Variants in SDCCAG8 observed in about 807,000 individuals in gnomAD.
SDCCAG8 encodes serologically defined colon cancer antigen 8.
A neutral mutation model predicts 101.8 loss-of-function variants in SDCCAG8; 74 were observed. The ratio of observed to expected loss-of-function variants is 0.73; its 90% confidence interval spans 0.60 to 0.88. The LOEUF (loss-of-function observed/expected upper bound fraction) is 0.88, where lower values mean the gene tolerates loss of function less well. Among genes scored for constraint, SDCCAG8 ranks in the 40% least tolerant of loss-of-function variants. The pLI is 0.00. For missense variants in SDCCAG8, 787 were observed against 822.6 expected, an observed-to-expected ratio of 0.96 and a Z score of 0.53; for synonymous variants, 281 against 292.9, an observed-to-expected ratio of 0.96 and a Z score of 0.41.
intron 12 of SDCCAG8, among the ~76,000 whole-genome samples, chr1:243,364,881 T>A (rs2147863246): frequency 6.6e-6 from 1 of 152,156 alleles, no homozygotes; most frequent in African/African-American, 2.4e-5. Context: ...AAAAAAAGAA[T>A]AAGTCTTACA....
intron 13 of SDCCAG8, among the ~76,000 whole-genome samples, chr1:243,406,742 G>C (rs1441387437): frequency 2.0e-5 from 3 of 152,102 alleles, no homozygotes; most frequent in South Asian, 4.1e-4. Flanking sequence ...ACTGTGCGCT[G>C]CTGCCCCACA....
intron 9 of SDCCAG8, among the ~76,000 whole-genome samples, chr1:243,328,037 G>T (rs1010828644): frequency 8.6e-5 from 13 of 151,766 alleles, no homozygotes; most frequent in Non-Finnish European, 1.6e-4. Context: ...TGAGTAGCTG[G>T]GACTACAGGT....
At chr1:243,451,515 A>G (rs2083353101) in intron 16 of SDCCAG8, among the ~76,000 whole-genome samples, 2 of 152,198 alleles carry the variant, frequency 1.3e-5, no homozygotes, top group Non-Finnish European at 2.9e-5. Context: ...TCTATTATGC[A>G]GAACCATCCA....
intron 16 of SDCCAG8, among the ~76,000 whole-genome samples, chr1:243,483,712 G>A (rs1397673124): frequency 6.6e-6 from 1 of 152,138 alleles, no homozygotes; most frequent in African/African-American, 2.4e-5. Flanking sequence ...CGGCCACTCC[G>A]CCCTGACCCC....
intron 15 of SDCCAG8, among the ~76,000 whole-genome samples, chr1:243,422,498 T>C (rs954018583): frequency 1.3e-5 from 2 of 152,200 alleles, no homozygotes; most frequent in Admixed American, 1.3e-4. Flanking sequence ...GTTAAATGAC[T>C]TTTAGTGTAG....
intron 15 of SDCCAG8, among the ~76,000 whole-genome samples, chr1:243,425,204 G>A (rs973795170): frequency 1.3e-5 from 2 of 152,204 alleles, no homozygotes; most frequent in African/African-American, 4.8e-5. Flanking sequence ...AAGGCACAGA[G>A]CACAATTTAA....
chr1:243,311,248 A>C (rs1178736650), intron 8 of SDCCAG8, among the ~76,000 whole-genome samples: 1 of 152,320 alleles, frequency 6.6e-6, no homozygotes. Context: ...AAGTAGTTCT[A>C]TGTGTATTAA....
intron 12 of SDCCAG8, among the ~76,000 whole-genome samples, chr1:243,376,989 C>G (rs1024827003): frequency 4.6e-5 from 7 of 152,164 alleles, no homozygotes; most frequent in South Asian, 2.1e-4. Flanking sequence ...GCCCTTACTT[C>G]TTTCTCACTT....
At chr1:243,320,258 A>C (rs1329963933) in intron 9 of SDCCAG8, among the ~76,000 whole-genome samples, 1 of 152,200 alleles carries the variant, frequency 6.6e-6, no homozygotes, top group African/African-American at 2.4e-5. Flanking sequence ...GAAGCTAAGT[A>C]ATCTCTGGAT....
At chr1:243,397,902 G>A (rs990871926) in intron 13 of SDCCAG8, among the ~76,000 whole-genome samples, 9 of 152,188 alleles carry the variant, frequency 5.9e-5, no homozygotes, top group African/African-American at 1.9e-4. Context: ...CTGCAAACCA[G>A]AGATAGCCCT....
intron 17 of SDCCAG8, among the ~76,000 whole-genome samples, chr1:243,497,034 G>A (rs564248553): frequency 2.6e-5 from 4 of 152,312 alleles, no homozygotes; most frequent in African/African-American, 9.6e-5. Flanking sequence ...GCAGAAGGAC[G>A]GGAGACACTG....
At chr1:243,471,426 G>C (rs761692584) in intron 16 of SDCCAG8, among the ~76,000 whole-genome samples, 1 of 152,000 alleles carries the variant, frequency 6.6e-6, no homozygotes, top group Non-Finnish European at 1.5e-5. Flanking sequence ...TATTACGCTC[G>C]TGGGTTCTGT....
intron 17 of SDCCAG8, among the ~76,000 whole-genome samples, chr1:243,493,191 G>A (rs927188046): frequency 7.3e-6 from 1 of 137,436 alleles, no homozygotes. Flanking sequence ...TGAGAGGCAG[G>A]CCCTGGCTGG....
intron 12 of SDCCAG8, among the ~76,000 whole-genome samples, chr1:243,347,543 G>C: frequency 6.6e-6 from 1 of 152,080 alleles, no homozygotes; most frequent in Non-Finnish European, 1.5e-5. Context: ...ATAATGTTTT[G>C]ATTATGCTTT....
intron 9 of SDCCAG8, among the ~76,000 whole-genome samples, chr1:243,319,795 C>T (rs1226841938): frequency 6.6e-6 from 1 of 152,156 alleles, no homozygotes; most frequent in Non-Finnish European, 1.5e-5. Flanking sequence ...GCTTCCTTAA[C>T]TCTACTATAT....
chr1:243,381,131 A>G (rs2077924075), intron 13 of SDCCAG8, among the ~76,000 whole-genome samples: 1 of 152,158 alleles, frequency 6.6e-6, no homozygotes, highest in South Asian at 2.1e-4. Context: ...ATTCTAAACA[A>G]AGTTTAAAAT....
Position 243,262,209 on chromosome 1 carries a change from C to T in SDCCAG8, c.67+5969C>T, listed in dbSNP as rs546248404. On this transcript the variant is annotated intron_variant, in intron 1 of 17. Coordinates refer to ENST00000366541, the MANE Select transcript of SDCCAG8 (RefSeq NM_006642.5). ...GCAACTTCTGCCTCCTGAGTTCAAG[C>T]GATTCTCCTGCCTCAGCCTCCCGAG... Among the ~76,000 whole-genome samples, 90 of 148,006 alleles carry T rather than the reference C, an allele frequency of 6.1e-4. 4 individuals are homozygous for T. The highest frequency in any genetic ancestry group is 4.6e-3 in the South Asian group (21 of 4,574).
Position 243,387,277 on chromosome 1 carries a change from A to AT in SDCCAG8, c.1616+8424dup, listed in dbSNP as rs966045983. On this transcript the variant is annotated intron_variant, in intron 13 of 17. Coordinates refer to ENST00000366541, the MANE Select transcript of SDCCAG8 (RefSeq NM_006642.5). Reference sequence around the variant, plus strand: ...TGAAACACATTTTTTTAAATCCTGCATTTTTTTTTTCTTGTATCTGATCTT... The same window carrying AT: ...TGAAACACATTTTTTTAAATCCTGCATTTTTTTTTTTCTTGTATCTGATCTT... Among the ~76,000 whole-genome samples the AT allele has an allele frequency of 3.0e-3, 438 of 147,810 alleles. 2 individuals are homozygous for AT. The highest frequency in any genetic ancestry group is 4.1e-3 in the Non-Finnish European group (275 of 66,730).
chr1:243,484,745 T>A (rs998653441), intron 16 of SDCCAG8, among the ~76,000 whole-genome samples: 2 of 152,184 alleles, frequency 1.3e-5, no homozygotes, highest in African/African-American at 4.8e-5. Flanking sequence ...AAATCAGTAC[T>A]TGACCCTTAA....
Sources: gnomAD v4.1 joint callset for allele counts (sites outside exome capture counted in the v4.1 genomes callset) on GRCh38, gnomAD v4.1.1 for gene constraint, MANE v1.5 for transcripts, NCBI Gene and HGNC (gene_info 2026-07-23, HGNC 2026-07-21) for gene names.